The following FLOT1 variants were observed in gnomAD, a reference collection of about 807,000 sequenced individuals.
FLOT1 encodes the protein flotillin 1.
A neutral mutation model predicts 58.4 loss-of-function variants in FLOT1; 40 were observed. The ratio of observed to expected loss-of-function variants is 0.69; its 90% confidence interval spans 0.53 to 0.89. The LOEUF is 0.89. FLOT1 is among the 40% of genes least tolerant of loss of function. The probability of loss-of-function intolerance (pLI) is 0.00; values close to 1 mark genes in which losing one functional copy is unlikely to be tolerated. For missense variants in FLOT1, 423 were observed against 540.8 expected (o/e 0.78, Z 2.16); for synonymous variants, 178 against 204.2 (o/e 0.87, Z 1.09).
At chr6:30,729,319 T>A (rs1776983337) in intron 12 of FLOT1, among the ~76,000 whole-genome samples, 1 of 152,138 alleles carries the variant, frequency 6.6e-6, no homozygotes, top group Non-Finnish European at 1.5e-5. Flanking sequence ...CCTCAGGTGA[T>A]CTGCCTGCCT....
At chr6:30,733,246 G>A (rs1218870829) in intron 8 of FLOT1, among the ~76,000 whole-genome samples, 1 of 152,012 alleles carries the variant, frequency 6.6e-6, no homozygotes, top group Non-Finnish European at 1.5e-5. Context: ...ACATTGGCCA[G>A]GCTGGTCTTG....
chr6:30,729,995 C>A (rs754638843), intron 12 of FLOT1, 27 bp downstream of exon 12: 12 of 1,586,998 alleles, frequency 7.6e-6, no homozygotes, highest in Non-Finnish European at 1.0e-5. Flanking sequence ...CCTAGCAATT[C>A]TCCTCAGCTC....
chr6:30,739,049 AAGATCAACT>A (rs1777775291), intron 8 of FLOT1, among the ~76,000 whole-genome samples: 1 of 152,244 alleles, frequency 6.6e-6, no homozygotes, highest in African/African-American at 2.4e-5. Context: ...ATGAAGAATG[AAGATCAACT>A]ATACTTCCTG....
intron 8 of FLOT1, among the ~76,000 whole-genome samples, chr6:30,731,527 G>A (rs989096464): frequency 1.3e-5 from 2 of 151,704 alleles, no homozygotes; most frequent in African/African-American, 4.8e-5. Flanking sequence ...CATGAAGGTG[G>A]GTTCCCTCCT....
chr6:30,741,978 G>A lies in FLOT1; in HGVS notation c.44-111C>T, dbSNP rs1778025369. 1 of 1,212,116 alleles carries A rather than the reference G, an allele frequency of 8.3e-7. No individual in the cohort carries two copies. Among genetic ancestry groups the A allele is most frequent in the African/African-American group, 1.5e-5 (1 of 67,186 alleles). The allele number at this position is 1,212,116 out of a possible 1,614,324, so 75.1% of individuals were successfully genotyped here. A position where few individuals can be genotyped will look rare whatever the true frequency, so the allele number is the denominator to read the frequency against. On this transcript the variant is annotated intron_variant, in intron 2 of 12. Coordinates refer to ENST00000376389, the MANE Select transcript of FLOT1 (RefSeq NM_005803.4). This position sits in a 1 kb window ranked among gnomAD's most constrained non-coding sequence, Gnocchi z 5.9. ...CACAGGAGAGAATCTGGGAGCTGGAGGGGAAGCAGTCTGGGCCTTGGAATG... is the reference window on the plus strand; with the variant it reads ...CACAGGAGAGAATCTGGGAGCTGGAAGGGAAGCAGTCTGGGCCTTGGAATG...
At chr6:30,740,985 C>A in intron 5 of FLOT1, 187 bp from the exon 6 acceptor site, 2 of 1,090,158 alleles carry the variant, frequency 1.8e-6, no homozygotes, top group Non-Finnish European at 2.6e-6. Flanking sequence ...AGGGGTTTCA[C>A]CAGGTTGGCT....
intron 9 of FLOT1, 57 bp downstream of exon 9, chr6:30,730,858 CTCCA>C: frequency 6.2e-7 from 1 of 1,602,948 alleles, no homozygotes; most frequent in Non-Finnish European, 8.5e-7. Context: ...GGCTTCAGCA[CTCCA>C]TCTTGGGGTG....
chr6:30,742,229 T>C lies in FLOT1; in HGVS notation c.-14-26A>G. On this transcript the variant is annotated intron_variant, in intron 1 of 12. Coordinates refer to ENST00000376389, the MANE Select transcript of FLOT1 (RefSeq NM_005803.4). The surrounding 1 kb of genome is among the most constrained non-coding windows in gnomAD (Gnocchi z 5.2). The stretch of plus-strand genomic sequence containing the variant: ...CTGGAGGAGAGGGAGGGAAAGCCTT[T>C]GCGGATGGGGAAGGCGCGCTGTGGC... 1.2e-6 allele frequency: 2 copies of C among 1,607,000 alleles called. No individual in the cohort carries two copies. The highest frequency in any genetic ancestry group is 1.7e-6 in the Non-Finnish European group (2 of 1,174,566).
At chr6:30,738,840 C>A (rs1388096026) in intron 8 of FLOT1, among the ~76,000 whole-genome samples, 2 of 152,120 alleles carry the variant, frequency 1.3e-5, no homozygotes, top group African/African-American at 4.8e-5. Flanking sequence ...ATGCAAAAAA[C>A]ACGGCAGTAA....
chr6:30,740,856 T>TTG, intron 5 of FLOT1, 58 bp from the exon 6 acceptor site: 4 of 1,519,770 alleles, frequency 2.6e-6, no homozygotes, highest in Middle Eastern at 2.3e-4. Context: ...TTTTTTTTTT[T>TTG]GCTCACTGCA....
chr6:30,735,496 A>C (rs1440123067), intron 8 of FLOT1, among the ~76,000 whole-genome samples: 1 of 151,352 alleles, frequency 6.6e-6, no homozygotes, highest in Non-Finnish European at 1.5e-5. Context: ...GGTGGTGGGC[A>C]CTTGTAATCC....
Position 30,742,172 on chromosome 6 carries a change from G to A in FLOT1, c.18C>T (p.Gly6=). The A allele has an allele frequency of 6.2e-7, 1 of 1,612,970 alleles. No individual in the cohort carries two copies. Among genetic ancestry groups the A allele is most frequent in the Non-Finnish European group, 8.5e-7 (1 of 1,180,002 alleles). ...CGGAGACCACCATGGCCTCATTTGG[G>A]CCACAAGTGAAAAACATGGTTCAGG... MFFTC[G]PNEAMVVSGF... Residue 6 remains glycine (G), a synonymous_variant, in exon 2 of 13, where the codon GGC becomes GGT. Coordinates refer to ENST00000376389, the MANE Select transcript of FLOT1 (RefSeq NM_005803.4). The surrounding 1 kb of genome is among the most constrained non-coding windows in gnomAD (Gnocchi z 5.2).
rs1397888506 is a variant in FLOT1, at chr6:30,731,041, C to T, written c.783G>A (p.Arg261=). 1 of 1,611,998 alleles carries T rather than the reference C, an allele frequency of 6.2e-7. No homozygotes were observed. Among genetic ancestry groups the T allele is most frequent in the East Asian group, 2.2e-5 (1 of 44,880 alleles). Residue 261 remains arginine, a synonymous_variant, in exon 9 of 13, where the codon CGG becomes CGA. Transcript: ENST00000376389. ...GCTCCTGCACTGCCACCTGCTGGGC[C>T]CGCTCCACCACCTGCACCTGCACCC... ...EQRVQVQVVE[R]AQQVAVQEQE...
In FLOT1 at chr6:30,740,145, C is replaced by G; in HGVS notation, c.723+13G>C. The G allele has an allele frequency of 1.2e-6, 2 of 1,612,150 alleles. No homozygotes were observed. Among genetic ancestry groups the G allele is most frequent in the Non-Finnish European group, 1.7e-6 (2 of 1,179,482 alleles). Reference sequence around the variant, plus strand: ...GGGGAAGGGGCAGAGAGTGGCCTGGCAGTGGCTCTGACCTGAAGCTGATAG... The same window carrying G: ...GGGGAAGGGGCAGAGAGTGGCCTGGGAGTGGCTCTGACCTGAAGCTGATAG... On this transcript the variant is annotated intron_variant, in intron 8 of 12. Coordinates refer to ENST00000376389, the MANE Select transcript of FLOT1 (RefSeq NM_005803.4).
Position 30,730,546 on chromosome 6 carries a change from G to A in FLOT1, c.971C>T (p.Ala324Val). The part of the protein sequence containing the change: ...ASVRMRGEAE[A>V]FAIGARARAE... ...TCGGGCTCGGGCCCCTATGGCAAAG[G>A]CCTCAGCTTCCCCACGCATCTGAGG... Residue 324 changes from alanine to valine, a missense_variant, in exon 11 of 13, where the codon GCC (alanine) becomes GTC (valine). Transcript: ENST00000376389. 6.2e-7 allele frequency: 1 copy of A among 1,611,628 alleles called. No individual in the cohort carries two copies. The highest frequency in any genetic ancestry group is 8.5e-7 in the Non-Finnish European group (1 of 1,178,156).
chr6:30,728,361 A>G (rs1017792087), intron 12 of FLOT1, among the ~76,000 whole-genome samples: 1 of 152,148 alleles, frequency 6.6e-6, no homozygotes, highest in African/African-American at 2.4e-5. Context: ...CCTTGTTTGC[A>G]CACTCTCCTT....
At chr6:30,729,097 TAG>T (rs967579045) in intron 12 of FLOT1, among the ~76,000 whole-genome samples, 5 of 131,876 alleles carry the variant, frequency 3.8e-5, no homozygotes, top group Admixed American at 7.8e-5. Context: ...TTTTTTGAGA[TAG>T]AGTCTTATTC....
Position 30,740,568 on chromosome 6 carries a change from CTT to C in FLOT1, c.496_497del (p.Lys166GlyfsTer27), listed in dbSNP as rs1777896780. 1 of 1,612,932 alleles carries C rather than the reference CTT, an allele frequency of 6.2e-7. No individual in the cohort carries two copies. Among genetic ancestry groups the C allele is most frequent in the African/African-American group, 1.3e-5 (1 of 74,906 alleles). On this transcript the variant is annotated frameshift_variant, in exon 7 of 13. Transcript: ENST00000376389. LOFTEE classifies it high-confidence loss of function. ...DDQDYLHSLG[K>X]ARTAQVQKDA... ...CTTTTTGGACTTGAGCTGTTCGAGC[CTT>C]CCCCAAAGAGTGCAAATAGTCCTGT...
Position 30,741,006 on chromosome 6 carries a change from C to T in FLOT1, c.354+184G>A, listed in dbSNP as rs540172197. Among the ~76,000 whole-genome samples the T allele has an allele frequency of 6.6e-5, 10 of 152,216 alleles. No individual in the cohort carries two copies. The highest frequency in any genetic ancestry group is 1.2e-4 in the Non-Finnish European group (8 of 68,010). On this transcript the variant is annotated intron_variant, in intron 5 of 12. Coordinates refer to ENST00000376389, the MANE Select transcript of FLOT1 (RefSeq NM_005803.4). The surrounding 1 kb of genome is among the most constrained non-coding windows in gnomAD (Gnocchi z 5.9). ...TTCACCAGGTTGGCTAGGCTGGTCT[C>T]GAACTCCTGACCTCAAGTGATCTGC...
Sources: gnomAD v4.1 joint callset for allele counts (sites outside exome capture counted in the v4.1 genomes callset) on GRCh38, gnomAD v4.1.1 for gene constraint, Gnocchi (gnomAD v3.1) non-coding constraint, MANE v1.5 for transcripts, NCBI Gene and HGNC (gene_info 2026-07-23, HGNC 2026-07-21) for gene names.